Variants in NBPF6 observed in about 807,000 individuals in gnomAD.
NBPF6 encodes the protein NBPF family member NBPF6.
In NBPF6, 2 loss-of-function variants were observed where a neutral mutation model predicts 20.8. The ratio of observed to expected loss-of-function variants is 0.10; its 90% CI spans 0.04 to 0.30. The LOEUF is 0.30. Among genes scored for constraint, NBPF6 ranks in the 10% least tolerant of loss-of-function variants. The pLI is 1.00. For missense variants in NBPF6, 85 were observed against 260.3 expected (o/e 0.33, Z 4.63); for synonymous variants, 24 against 100.0 (o/e 0.24, Z 4.53).
chr1:108,471,200 C>T lies in NBPF6; in HGVS notation c.*562C>T, dbSNP rs1032854984. On this transcript the variant is annotated 3_prime_UTR_variant, in exon 15 of 15. Coordinates refer to ENST00000495380, the MANE Select transcript of NBPF6 (RefSeq NM_001143988.2). ...TTATGCTTTTTTAGTCATTTTGAAC[C>T]CAAAACATCTCCTTATCTTTTTGTT... Among the ~76,000 whole-genome samples, 19 of 152,116 alleles carry T rather than the reference C, an allele frequency of 1.2e-4. No individual in the cohort carries two copies. The highest frequency in any genetic ancestry group is 2.5e-4 in the Non-Finnish European group (17 of 67,992).
At chr1:108,448,199 C>T (rs2101038412), upstream of NBPF6, among the ~76,000 whole-genome samples, 1 of 146,254 alleles carries the variant, frequency 6.8e-6, no homozygotes, top group East Asian at 2.0e-4. Context: ...CCACACCATC[C>T]TCCACCTACA....
chr1:108,434,663 T>C, the NBPF6 span, among the ~76,000 whole-genome samples: 1 of 67,470 alleles, frequency 1.5e-5, no homozygotes, highest in African/African-American at 4.0e-5. Context: ...TACATCATCT[T>C]TTTTAAAAAA....
chr1:108,467,974 G>T (rs1434062528), intron 14 of NBPF6, among the ~76,000 whole-genome samples: 8 of 151,136 alleles, frequency 5.3e-5, no homozygotes, highest in Admixed American at 4.6e-4. Context: ...TGAACACAGG[G>T]TTGTTTGCCC....
chr1:108,470,625 G>A lies in NBPF6; in HGVS notation c.1904G>A (p.Arg635Lys). ...EIPNTAERMQ[R>K]MIG is the part of the protein sequence containing the mutation. ...CCAAATACTGCTGAAAGGATGCAAAGGATGATAGGATGAAAGAATGTCACA... is the reference window on the plus strand; with the variant it reads ...CCAAATACTGCTGAAAGGATGCAAAAGATGATAGGATGAAAGAATGTCACA... The change falls in exon 15 of 15, where the codon AGG (arginine) becomes AAG (lysine). Residue 635 changes from arginine to lysine, a missense_variant. Physicochemically the swap from Arg to Lys is conservative, Grantham distance 26 (BLOSUM62 2). Coordinates refer to ENST00000495380, the MANE Select transcript of NBPF6 (RefSeq NM_001143988.2). The A allele has an allele frequency of 6.4e-7, 1 of 1,557,390 alleles. No individual in the cohort carries two copies. The highest frequency in any genetic ancestry group is 8.7e-7 in the Non-Finnish European group (1 of 1,150,174).
At chr1:108,467,875 T>G (rs1653228145) in intron 14 of NBPF6, among the ~76,000 whole-genome samples, 2 of 150,754 alleles carry the variant, frequency 1.3e-5, no homozygotes, top group Admixed American at 1.3e-4. Context: ...CTCTGCTCTA[T>G]TCCTTTTTCT....
At chr1:108,441,684 A>C in the NBPF6 span, among the ~76,000 whole-genome samples, 152 of 78,934 alleles carry the variant, frequency 1.9e-3, 5 homozygotes, top group African/African-American at 8.1e-3. Flanking sequence ...AAAAAAAAAA[A>C]AACTGGAAGA....
intron 9 of NBPF6, among the ~76,000 whole-genome samples, chr1:108,459,578 A>G (rs1653043428): frequency 7.7e-6 from 1 of 129,152 alleles, no homozygotes; most frequent in African/African-American, 2.8e-5. Context: ...GCCACTACAC[A>G]TAAAATTTAA....
chr1:108,437,769 A>G, the NBPF6 span, among the ~76,000 whole-genome samples: 1 of 28,652 alleles, frequency 3.5e-5, no homozygotes, highest in Non-Finnish European at 7.8e-5. Context: ...GAAGGAAGGG[A>G]GGGAGGGAGG....
chr1:108,426,325 A>T, the NBPF6 span, among the ~76,000 whole-genome samples: 1 of 102,412 alleles, frequency 9.8e-6, no homozygotes, highest in East Asian at 2.4e-4. Flanking sequence ...TTAGAAATTT[A>T]AAAATAATTC....
At chr1:108,447,388 AAAG>A (rs1652634819), upstream of NBPF6, among the ~76,000 whole-genome samples, 1 of 146,068 alleles carries the variant, frequency 6.8e-6, no homozygotes, top group Non-Finnish European at 1.5e-5. Flanking sequence ...ATTTACAAGA[AAAG>A]AAATCATACG....
At chr1:108,451,523 T>C (rs1181255731) in intron 2 of NBPF6, among the ~76,000 whole-genome samples, 1 of 142,716 alleles carries the variant, frequency 7.0e-6, no homozygotes, top group African/African-American at 2.5e-5. Flanking sequence ...ACTATAATAA[T>C]ACCTACCTCT....
At chr1:108,436,606 A>G in the NBPF6 span, among the ~76,000 whole-genome samples, 1 of 62,364 alleles carries the variant, frequency 1.6e-5, no homozygotes, top group Non-Finnish European at 4.0e-5. Flanking sequence ...AAAAAAAAAA[A>G]AAAAAAAGAA....
chr1:108,453,006 G>GTATA (rs1365241339), intron 3 of NBPF6, among the ~76,000 whole-genome samples, 175 bp from the exon 4 acceptor site: 1 of 62,644 alleles, frequency 1.6e-5, no homozygotes, highest in African/African-American at 5.7e-5. Flanking sequence ...GTGTGTGTGT[G>GTATA]TGTATATATA....
At chr1:108,448,184 G>A (rs1205366008), upstream of NBPF6, among the ~76,000 whole-genome samples, 1 of 145,868 alleles carries the variant, frequency 6.9e-6, no homozygotes, top group Admixed American at 6.7e-5. Context: ...ATGCCTCTCA[G>A]CAGCCCACAC....
chr1:108,426,434 T>TAAATAAAC, the NBPF6 span, among the ~76,000 whole-genome samples: 3 of 77,544 alleles, frequency 3.9e-5, no homozygotes, highest in Non-Finnish European at 8.8e-5. Context: ...TAAAAATAAA[T>TAAATAAAC]AAATAAATAA....
At chr1:108,441,697 T>C in the NBPF6 span, among the ~76,000 whole-genome samples, 1 of 69,084 alleles carries the variant, frequency 1.4e-5, no homozygotes, top group Non-Finnish European at 2.9e-5. Context: ...CTGGAAGAAA[T>C]GGGTGAATTC....
At chr1:108,459,636 T>TC (rs1392067255) in intron 9 of NBPF6, among the ~76,000 whole-genome samples, 2 of 58,802 alleles carry the variant, frequency 3.4e-5, no homozygotes, top group African/African-American at 1.2e-4. Flanking sequence ...GACATGATAT[T>TC]CAGTAAGTCA....
At chr1:108,468,460 C>CT (rs1653273519) in intron 14 of NBPF6, among the ~76,000 whole-genome samples, 1 of 109,996 alleles carries the variant, frequency 9.1e-6, no homozygotes, top group African/African-American at 3.6e-5. Flanking sequence ...TAACCTCTCT[C>CT]CTTTTTATTC....
chr1:108,467,736 C>T (rs1653219634), intron 14 of NBPF6, 71 bp downstream of exon 14: 5 of 1,532,682 alleles, frequency 3.3e-6, no homozygotes, highest in Admixed American at 2.0e-5. Context: ...CTCATTCTCT[C>T]ACTGCTTTTT....
Sources: gnomAD v4.1 joint callset for allele counts (sites outside exome capture counted in the v4.1 genomes callset) on GRCh38, gnomAD v4.1.1 for gene constraint, MANE v1.5 for transcripts, NCBI Gene and HGNC (gene_info 2026-07-23, HGNC 2026-07-21) for gene names.